The following SKP1 variants were observed in gnomAD, a reference collection of about 807,000 sequenced individuals.
The protein encoded by SKP1 is S-phase kinase associated protein 1, also known as S-phase kinase-associated protein 1.
In SKP1, 1 loss-of-function variant was observed where a neutral mutation model predicts 21.5. The observed-to-expected ratio is 0.05, with a 90% CI of 0.02 to 0.22. The LOEUF is 0.22. SKP1 is among the 10% of genes least tolerant of loss of function. SKP1 has a pLI of 1.00. For missense variants in SKP1, 70 were observed against 192.0 expected, an observed-to-expected ratio of 0.36 and a Z score of 3.76; for synonymous variants, 59 against 59.3, an observed-to-expected ratio of 0.99 and a Z score of 0.03.
rs1430930661 is a variant in SKP1, at chr5:134,151,689, A to G, written c.*6044T>C. 2.2e-6 allele frequency: 1 copy of G among 456,256 alleles called. No individual in the cohort carries two copies. The highest frequency in any genetic ancestry group is 1.5e-5 in the South Asian group (1 of 64,574). 28.3% of individuals were successfully genotyped at this position (456,256 alleles called of 1,614,324 possible). The stretch of plus-strand genomic sequence containing the variant: ...AAGTTGACAGATATCAGAAGGTCGC[A>G]AGAACTACAGATGTGGAAGCAGACA... On this transcript the variant is annotated 3_prime_UTR_variant, in exon 6 of 6. Coordinates refer to ENST00000353411, the MANE Select transcript of SKP1 (RefSeq NM_170679.3).
intron 2 of SKP1, chr5:134,173,289 A>G (rs548466678): frequency 1.8e-5 from 3 of 169,260 alleles, no homozygotes; most frequent in African/African-American, 4.8e-5. Flanking sequence ...CCAAGACTGC[A>G]CCATCGCACT....
chr5:134,162,207 C>G (rs1761233289), intron 3 of SKP1, among the ~76,000 whole-genome samples: 1 of 152,012 alleles, frequency 6.6e-6, no homozygotes, highest in Non-Finnish European at 1.5e-5. Context: ...CTTAAGCGAT[C>G]CTCCCACCTC....
At position 134,155,283 on chromosome 5, in the gene SKP1, C is replaced by G. The variant is rs1424611616; in HGVS notation, c.*2450G>C. On this transcript the variant is annotated 3_prime_UTR_variant, in exon 6 of 6. Coordinates refer to ENST00000353411, the MANE Select transcript of SKP1 (RefSeq NM_170679.3). ...CTACTGTGATAATGAGAAAGGACCA[C>G]TCACTCCAGGTGAAAGCCTAGAAAA... The G allele has an allele frequency of 1.3e-5, 2 of 152,124 alleles. No individual in the cohort carries two copies. Among genetic ancestry groups the G allele is most frequent in the Non-Finnish European group, 2.9e-5 (2 of 68,026 alleles). The allele number at this position is 152,124 out of a possible 1,614,324, so 9.4% of individuals were successfully genotyped here. A position where few individuals can be genotyped will look rare whatever the true frequency, so the allele number is the denominator to read the frequency against.
rs1473283588 is a variant in SKP1 at position 134,153,685 on chromosome 5, A to C, written c.*4048T>G. On this transcript the variant is annotated 3_prime_UTR_variant, in exon 6 of 6. Transcript: ENST00000353411. ...TGGTGGAAAATCACCTTATATTCCCAAACTGCCTTATTGAGAGCCTAGGCA... is the reference window on the plus strand; with the variant it reads ...TGGTGGAAAATCACCTTATATTCCCCAACTGCCTTATTGAGAGCCTAGGCA... The C allele has an allele frequency of 6.6e-6, 1 of 152,198 alleles. No homozygotes were observed. The allele number at this position is 152,198 out of a possible 1,614,324, so 9.4% of individuals were successfully genotyped here.
intron 5 of SKP1, 105 bp downstream of exon 5, chr5:134,158,350 A>T: frequency 6.3e-7 from 1 of 1,598,450 alleles, no homozygotes; most frequent in Non-Finnish European, 8.5e-7. Flanking sequence ...ATTATCCCTA[A>T]AGTATCAAGA....
rs760687685 is a variant in SKP1, at chr5:134,157,730, A to G, written c.*3T>C. 6.8e-6 allele frequency: 11 copies of G among 1,611,192 alleles called. No homozygotes were observed. The Admixed American group carries it at 1.8e-4, about 27-fold the overall frequency. On this transcript the variant is annotated 3_prime_UTR_variant, in exon 6 of 6. Coordinates refer to ENST00000353411, the MANE Select transcript of SKP1 (RefSeq NM_170679.3). ...ACAGTGTTACAGTGTCAGGCACAACATTTCACTTCTCTTCACACCACTGGT... is the reference window on the plus strand; with the variant it reads ...ACAGTGTTACAGTGTCAGGCACAACGTTTCACTTCTCTTCACACCACTGGT...
intron 4 of SKP1, among the ~76,000 whole-genome samples, chr5:134,160,448 T>G (rs747351944): frequency 3.9e-5 from 6 of 152,102 alleles, no homozygotes; most frequent in Non-Finnish European, 7.4e-5. Flanking sequence ...TTCTGTCTAG[T>G]TATATTAATT....
In SKP1 at chr5:134,152,122, T is replaced by C. The variant is rs1761053108; in HGVS notation, c.*5611A>G. 6.6e-6 allele frequency: 1 copy of C among 152,408 alleles called. No individual in the cohort carries two copies. 9.4% of individuals were successfully genotyped at this position (152,408 alleles called of 1,614,324 possible). A position where few individuals can be genotyped will look rare whatever the true frequency, so the allele number is the denominator to read the frequency against. On this transcript the variant is annotated 3_prime_UTR_variant, in exon 6 of 6. Coordinates refer to ENST00000353411, the MANE Select transcript of SKP1 (RefSeq NM_170679.3). ...AACAACAGTAAACAAGAAAAAGTCA[T>C]CAGGACTCTAACTGTAAAACCCCCA...
chr5:134,174,083 C>T, intron 1 of SKP1, 61 bp from the exon 2 acceptor site: 2 of 1,005,288 alleles, frequency 2.0e-6, no homozygotes, highest in Non-Finnish European at 1.6e-6. Flanking sequence ...GACATTTCAT[C>T]AACTACAGTC....
At chr5:134,158,108 G>A in intron 5 of SKP1, 11 of 1,404,968 alleles carry the variant, frequency 7.8e-6, no homozygotes, top group Non-Finnish European at 1.0e-5. Context: ...TCATTAAGTT[G>A]CTCTAAAGTA....
intron 3 of SKP1, among the ~76,000 whole-genome samples, chr5:134,163,609 G>A (rs1405922577): frequency 2.6e-5 from 4 of 152,034 alleles, no homozygotes; most frequent in South Asian, 2.1e-4. Context: ...CGGCAACATG[G>A]TGAAACTCCA....
In SKP1 at chr5:134,150,204, T is replaced by C. The variant is rs1186907223; in HGVS notation, c.*7529A>G. ...CTATGTCTCCCAACGTGAAGGTGTC[T>C]ACTTTAACAGAACCCCATGGATGGA... On this transcript the variant is annotated 3_prime_UTR_variant, in exon 6 of 6. Transcript: ENST00000353411. 2.0e-5 allele frequency: 3 copies of C among 152,366 alleles called. No homozygotes were observed. The highest frequency in any genetic ancestry group is 3.4e-3 in the Middle Eastern group (1 of 294). 9.4% of individuals were successfully genotyped at this position (152,366 alleles called of 1,614,324 possible). A position where few individuals can be genotyped will look rare whatever the true frequency, so the allele number is the denominator to read the frequency against.
rs749142804 is a variant in SKP1, at chr5:134,151,722, G to A, written c.*6011C>T. 4.4e-5 allele frequency: 20 copies of A among 456,046 alleles called. No individual in the cohort carries two copies. The highest frequency in any genetic ancestry group is 3.8e-4 in the African/African-American group (19 of 50,206). The allele number at this position is 456,046 out of a possible 1,614,324, so 28.2% of individuals were successfully genotyped here. Reference sequence around the variant, plus strand: ...CAGATGTGGAAGCAGACACTGTTATGAGCAACTACATTCCTCCCATAGAAT... The same window carrying A: ...CAGATGTGGAAGCAGACACTGTTATAAGCAACTACATTCCTCCCATAGAAT... On this transcript the variant is annotated 3_prime_UTR_variant, in exon 6 of 6. Transcript: ENST00000353411.
chr5:134,161,282 G>T, intron 3 of SKP1, 152 bp from the exon 4 acceptor site: 1 of 596,496 alleles, frequency 1.7e-6, no homozygotes, highest in East Asian at 2.8e-5. Flanking sequence ...AATGAAGCTT[G>T]AAGAATCATT....
intron 3 of SKP1, among the ~76,000 whole-genome samples, chr5:134,165,191 A>G (rs10064204): frequency 0.047 from 7,227 of 152,246 alleles, 493 homozygotes; most frequent in African/African-American, 0.15. Flanking sequence ...AATGTAATTA[A>G]TGTCACTGAA....
intron 2 of SKP1, among the ~76,000 whole-genome samples, chr5:134,168,054 T>C (rs966184801): frequency 1.3e-5 from 2 of 152,216 alleles, no homozygotes; most frequent in Non-Finnish European, 2.9e-5. Flanking sequence ...TAAAAATTGG[T>C]GGCTCCTAAC....
intron 3 of SKP1, among the ~76,000 whole-genome samples, chr5:134,162,096 A>C (rs1351210893): frequency 6.6e-6 from 1 of 152,052 alleles, no homozygotes; most frequent in Admixed American, 6.6e-5. Flanking sequence ...AATAAGGAAA[A>C]GCCAAGCAAA....
At chr5:134,172,423 G>A (rs974323960) in intron 2 of SKP1, among the ~76,000 whole-genome samples, 2 of 152,132 alleles carry the variant, frequency 1.3e-5, no homozygotes, top group Non-Finnish European at 2.9e-5. Flanking sequence ...ACACTGATTT[G>A]TATCACCCCA....
chr5:134,175,396 GAGA>G (rs1761520597), intron 1 of SKP1: 1 of 152,192 alleles, frequency 6.6e-6, no homozygotes, highest in Non-Finnish European at 1.5e-5. Context: ...CTGCTTAATG[GAGA>G]AGGATGCAGA....
Sources: gnomAD v4.1 joint callset for allele counts (sites outside exome capture counted in the v4.1 genomes callset) on GRCh38, gnomAD v4.1.1 for gene constraint, MANE v1.5 for transcripts, NCBI Gene and HGNC (gene_info 2026-07-23, HGNC 2026-07-21) for gene names.